The following STAG2 variants were observed in gnomAD, a reference collection of about 807,000 sequenced individuals.
STAG2 encodes the protein STAG2 cohesin complex component.
Under a neutral mutation model 108.1 loss-of-function variants are expected in STAG2, and 14 were observed. The observed-to-expected ratio is 0.13, with a 90% CI of 0.09 to 0.20. STAG2 has a LOEUF of 0.20. STAG2 is among the 10% of genes least tolerant of loss of function. STAG2 has a pLI of 1.00. For synonymous variants in STAG2, 307 were observed against 302.7 expected, an observed-to-expected ratio of 1.01 and a Z score of -0.15; for missense variants, 440 against 940.9, an observed-to-expected ratio of 0.47 and a Z score of 6.96.
At chrX:124,042,481 A>G (rs2057749847) in intron 6 of STAG2, 88 bp from the exon 7 acceptor site, 2 of 606,693 alleles carry the variant, frequency 3.3e-6, no homozygotes, top group Non-Finnish European at 5.4e-6. Context: ...GTGTGACCAT[A>G]GACTTCTTAG....
intron 34 of STAG2, among the ~76,000 whole-genome samples, chrX:124,098,071 A>G (rs1603205862): frequency 9.2e-6 from 1 of 108,288 alleles, no homozygotes; most frequent in South Asian, 3.9e-4. Flanking sequence ...AATATTAACT[A>G]TGTGTATCTA....
chrX:123,997,986 T>C (rs1361677356), intron 1 of STAG2, among the ~76,000 whole-genome samples: 1 of 111,551 alleles, frequency 9.0e-6, no homozygotes, highest in Non-Finnish European at 1.9e-5. Flanking sequence ...TGTATGTATA[T>C]ACCACATTTT....
At chrX:124,025,140 G>A (rs1257562353) in intron 3 of STAG2, among the ~76,000 whole-genome samples, 3 of 110,902 alleles carry the variant, frequency 2.7e-5, no homozygotes, top group Non-Finnish European at 3.8e-5. Flanking sequence ...TAGAGATTTC[G>A]TTCTTTCCTG....
At chrX:123,972,866 CAAAAAAAAAAA>C (rs747333406) in intron 1 of STAG2, among the ~76,000 whole-genome samples, 2 of 21,929 alleles carry the variant, frequency 9.1e-5, no homozygotes, top group Non-Finnish European at 1.5e-4. Flanking sequence ...ACCAAAAATA[CAAAAAAAAAAA>C]AAAAAAAAAA....
At chrX:124,043,128 T>A (rs1469522567) in intron 7 of STAG2, among the ~76,000 whole-genome samples, 1 of 108,696 alleles carries the variant, frequency 9.2e-6, no homozygotes, top group African/African-American at 3.3e-5. Flanking sequence ...TTAGTGTCAG[T>A]TGTTTTTTTT....
chrX:124,027,314 T>C (rs1195942771), intron 4 of STAG2, among the ~76,000 whole-genome samples: 1 of 112,428 alleles, frequency 8.9e-6, no homozygotes, highest in African/African-American at 3.2e-5. Context: ...TGAGTGCTCA[T>C]AATTCATGTG....
chrX:124,057,837 G>A (rs979802832), intron 14 of STAG2, 29 bp from the exon 15 acceptor site: 12 of 996,631 alleles, frequency 1.2e-5, no homozygotes, highest in African/African-American at 4.0e-5. Flanking sequence ...TGTTGTTGTC[G>A]TAAAATAAAT....
intron 1 of STAG2, among the ~76,000 whole-genome samples, chrX:123,981,318 G>T (rs1363625920): frequency 9.4e-6 from 1 of 106,836 alleles, no homozygotes; most frequent in Non-Finnish European, 1.9e-5. Context: ...TCCCTCCCTC[G>T]CTCCCTCCCA....
At chrX:124,060,309 A>G (rs1457695471) in intron 15 of STAG2, among the ~76,000 whole-genome samples, 1 of 110,958 alleles carries the variant, frequency 9.0e-6, no homozygotes, top group Non-Finnish European at 1.9e-5. Context: ...TATTTTTGCT[A>G]AAGACAGGGT....
chrX:124,075,616 T>C (rs1034945372), intron 25 of STAG2, among the ~76,000 whole-genome samples: 2 of 111,416 alleles, frequency 1.8e-5, no homozygotes, highest in Non-Finnish European at 3.8e-5. Context: ...AGTAATTTCA[T>C]TTGTAAAATC....
At chrX:124,088,317 A>T (rs1218913481) in intron 30 of STAG2, among the ~76,000 whole-genome samples, 1 of 110,938 alleles carries the variant, frequency 9.0e-6, no homozygotes, top group East Asian at 2.8e-4. Flanking sequence ...ATTAAACCAG[A>T]TACGTCAATT....
rs1178409546 is a variant in STAG2 at position 124,021,730 on chromosome X, G to A, written c.-98+299G>A. Reference sequence around the variant, plus strand: ...ACAAAGTTTGTTATTATCATGAAGTGGTTATTTATTTAATAAGCCAGGCTT... The same window carrying A: ...ACAAAGTTTGTTATTATCATGAAGTAGTTATTTATTTAATAAGCCAGGCTT... On this transcript the variant is annotated intron_variant, in intron 2 of 34. Coordinates refer to ENST00000371145, the MANE Select transcript of STAG2 (RefSeq NM_001042750.2). 2.7e-5 allele frequency among the ~76,000 whole-genome samples: 3 copies of A among 111,608 alleles called. No individual in the cohort carries two copies. The East Asian group carries it at 8.4e-4, about 31-fold the overall frequency.
At chrX:124,002,815 T>C (rs1272874149) in intron 1 of STAG2, among the ~76,000 whole-genome samples, 1 of 105,258 alleles carries the variant, frequency 9.5e-6, no homozygotes, top group Non-Finnish European at 2.0e-5. Flanking sequence ...TTTCTTTCTT[T>C]TTTTTTTTTT....
intron 16 of STAG2, 21 bp downstream of exon 16, chrX:124,061,362 T>C (rs2058370597): frequency 9.1e-7 from 1 of 1,094,611 alleles, no homozygotes; most frequent in South Asian, 1.9e-5. Context: ...TTAATTATGA[T>C]ATTTTTGTTT....
At chrX:124,034,939 C>G (rs977399971) in intron 5 of STAG2, among the ~76,000 whole-genome samples, 3 of 107,946 alleles carry the variant, frequency 2.8e-5, no homozygotes, top group Non-Finnish European at 3.8e-5. Flanking sequence ...CTCTGTCACC[C>G]AGGCTGGAGT....
chrX:123,966,332 C>T lies in STAG2; in HGVS notation c.-163+4476C>T, dbSNP rs149465996. ...CTAAAATTAGCTGGACGTGGTGGTG[C>T]GCGTCTGTAGTCCCAGCTGCTTGGG... On this transcript the variant is annotated intron_variant, in intron 1 of 34. Transcript: ENST00000371145. 7.5e-3 allele frequency among the ~76,000 whole-genome samples: 821 copies of T among 109,528 alleles called. 8 individuals are homozygous for T. Among genetic ancestry groups the T allele is most frequent in the African/African-American group, 0.026 (770 of 30,004 alleles).
chrX:124,042,444 G>A, intron 6 of STAG2, 125 bp from the exon 7 acceptor site: 1 of 446,641 alleles, frequency 2.2e-6, no homozygotes. Flanking sequence ...ATTATTAGAT[G>A]ATGGTTGAAG....
At chrX:124,036,175 G>C (rs1396506866) in intron 5 of STAG2, among the ~76,000 whole-genome samples, 4 of 111,615 alleles carry the variant, frequency 3.6e-5, no homozygotes, top group African/African-American at 1.3e-4. Flanking sequence ...ATTTTTCCTT[G>C]ATTTATCTTT....
At chrX:124,060,192 GA>G (rs1181026899) in intron 15 of STAG2, among the ~76,000 whole-genome samples, 1 of 109,752 alleles carries the variant, frequency 9.1e-6, no homozygotes, top group Non-Finnish European at 1.9e-5. Context: ...GCAGTGGTGT[GA>G]TCTCGGCTCA....
Sources: gnomAD v4.1 joint callset for allele counts (sites outside exome capture counted in the v4.1 genomes callset) on GRCh38, gnomAD v4.1.1 for gene constraint, MANE v1.5 for transcripts, NCBI Gene and HGNC (gene_info 2026-07-23, HGNC 2026-07-21) for gene names.